Variants in CNTN5 observed in about 807,000 individuals in gnomAD.
CNTN5 encodes contactin-5.
In CNTN5, 77 loss-of-function variants were observed where a neutral mutation model predicts 129.1. That is an observed-to-expected ratio of 0.60 (90% CI 0.50 to 0.72). CNTN5 has a LOEUF of 0.72. CNTN5 is among the 30% of genes least tolerant of loss of function. The probability of loss-of-function intolerance (pLI) is 0.00; values close to 1 mark genes in which losing one functional copy is unlikely to be tolerated. For missense variants in CNTN5, 1,478 were observed against 1,328.8 expected, an observed-to-expected ratio of 1.11 and a Z score of -1.75; for synonymous variants, 509 against 465.6, an observed-to-expected ratio of 1.09 and a Z score of -1.20.
chr11:99,155,205 G>A (rs78034412), intron 1 of CNTN5, among the ~76,000 whole-genome samples: 2,384 of 152,210 alleles, frequency 0.016, 69 homozygotes, highest in African/African-American at 0.054. Context: ...TCCCCCTTCC[G>A]CCCAGCATCT....
intron 3 of CNTN5, among the ~76,000 whole-genome samples, chr11:99,711,872 A>T (rs1212865479): frequency 6.6e-6 from 1 of 152,082 alleles, no homozygotes; most frequent in Non-Finnish European, 1.5e-5. Flanking sequence ...TTCTGTATCC[A>T]GTCTATCATT....
At chr11:99,681,431 G>A (rs896118349) in intron 3 of CNTN5, among the ~76,000 whole-genome samples, 10 of 152,050 alleles carry the variant, frequency 6.6e-5, no homozygotes, top group Admixed American at 2.6e-4. Context: ...TTCAGCAACC[G>A]TGAACCTGAT....
At chr11:99,330,046 C>A (rs1441837539) in intron 2 of CNTN5, among the ~76,000 whole-genome samples, 1 of 148,854 alleles carries the variant, frequency 6.7e-6, no homozygotes, top group Non-Finnish European at 1.5e-5. Flanking sequence ...TTTTAACCAC[C>A]GAGTGGACTG....
At chr11:100,078,094 C>T (rs539208346) in intron 13 of CNTN5, among the ~76,000 whole-genome samples, 55 of 151,996 alleles carry the variant, frequency 3.6e-4, no homozygotes, top group South Asian at 2.1e-3. Flanking sequence ...GGTTATAGTT[C>T]GTCATTTGTC....
At chr11:99,631,562 T>C (rs1290738082) in intron 3 of CNTN5, among the ~76,000 whole-genome samples, 1 of 152,156 alleles carries the variant, frequency 6.6e-6, no homozygotes, top group Non-Finnish European at 1.5e-5. Context: ...TTTAATTCAG[T>C]TGTATTTACT....
chr11:99,146,253 G>T lies in CNTN5; in HGVS notation c.-210+124983G>T, dbSNP rs189953871. 2.0e-5 allele frequency among the ~76,000 whole-genome samples: 3 copies of T among 152,122 alleles called. No individual in the cohort carries two copies. The East Asian group carries it at 5.8e-4, about 29-fold the overall frequency. On this transcript the variant is annotated intron_variant, in intron 1 of 24. Transcript: ENST00000524871. ...AAGGAATTCTGGGAAACGCAAAAGTGGGTAATATTAAAATTGTATAAAGGA... is the reference window on the plus strand; with the variant it reads ...AAGGAATTCTGGGAAACGCAAAAGTTGGTAATATTAAAATTGTATAAAGGA...
At chr11:99,324,195 T>G (rs1007644096) in intron 1 of CNTN5, among the ~76,000 whole-genome samples, 2 of 152,180 alleles carry the variant, frequency 1.3e-5, no homozygotes, top group Admixed American at 1.3e-4. Context: ...TACAAGCAAC[T>G]GAAATACTTT....
intron 2 of CNTN5, among the ~76,000 whole-genome samples, chr11:99,483,576 C>A (rs1297208023): frequency 6.6e-6 from 1 of 152,072 alleles, no homozygotes; most frequent in African/African-American, 2.4e-5. Flanking sequence ...CTATTAGGAG[C>A]CTCCCTGGTG....
At chr11:99,499,290 G>A (rs1309233370) in intron 2 of CNTN5, among the ~76,000 whole-genome samples, 1 of 152,072 alleles carries the variant, frequency 6.6e-6, no homozygotes, top group Non-Finnish European at 1.5e-5. Context: ...AAATTCAAAT[G>A]TTCCCAGTGT....
intron 2 of CNTN5, among the ~76,000 whole-genome samples, chr11:99,396,444 G>A (rs1189374373): frequency 6.6e-6 from 1 of 151,360 alleles, no homozygotes; most frequent in Non-Finnish European, 1.5e-5. Flanking sequence ...TTATAGTTGT[G>A]GTTGTGTAAA....
At chr11:99,922,045 G>A (rs1403395299) in intron 7 of CNTN5, among the ~76,000 whole-genome samples, 1 of 152,064 alleles carries the variant, frequency 6.6e-6, no homozygotes, top group African/African-American at 2.4e-5. Flanking sequence ...TTTTCGTATT[G>A]CTGTGAAGAA....
chr11:99,644,993 G>A (rs780127155), intron 3 of CNTN5, among the ~76,000 whole-genome samples: 30 of 151,786 alleles, frequency 2.0e-4, no homozygotes, highest in Non-Finnish European at 7.4e-5. Flanking sequence ...GAGGTCAGGC[G>A]TGGTGGCTTA....
chr11:99,082,268 C>G lies in CNTN5; in HGVS notation c.-210+60998C>G, dbSNP rs972473833. Among the ~76,000 whole-genome samples, 3 of 151,046 alleles carry G rather than the reference C, an allele frequency of 2.0e-5. 1 individual carries two copies. The Admixed American group carries it at 2.0e-4, about 10-fold the overall frequency. ...TGGCGTGATGTCTGCTCACTACAAC[C>G]TCCGCCTCCTGGGTTCAAGCTATTC... is the stretch of plus-strand genomic sequence containing the variant. On this transcript the variant is annotated intron_variant, in intron 1 of 24. Coordinates refer to ENST00000524871, the MANE Select transcript of CNTN5 (RefSeq NM_014361.4).
chr11:99,484,193 A>C (rs1565221411), intron 2 of CNTN5, among the ~76,000 whole-genome samples: 1 of 152,156 alleles, frequency 6.6e-6, no homozygotes, highest in African/African-American at 2.4e-5. Context: ...AAAAACAAAA[A>C]AACACAATAC....
At chr11:99,945,293 A>G (rs948698318) in intron 7 of CNTN5, among the ~76,000 whole-genome samples, 15 of 152,112 alleles carry the variant, frequency 9.9e-5, no homozygotes, top group African/African-American at 3.6e-4. Context: ...TTAGTTCTGC[A>G]TAATGGATAA....
chr11:99,397,952 C>A (rs543221636), intron 2 of CNTN5, among the ~76,000 whole-genome samples: 1 of 151,882 alleles, frequency 6.6e-6, no homozygotes, highest in Non-Finnish European at 1.5e-5. Flanking sequence ...ATATACACGC[C>A]TACAAATATT....
At chr11:100,065,406 A>G (rs1943659573) in intron 10 of CNTN5, among the ~76,000 whole-genome samples, 1 of 152,104 alleles carries the variant, frequency 6.6e-6, no homozygotes, top group Admixed American at 6.6e-5. Flanking sequence ...AATGTCCACT[A>G]TGAAAAATAG....
chr11:99,904,359 T>A (rs953673889), intron 6 of CNTN5, among the ~76,000 whole-genome samples: 1 of 152,106 alleles, frequency 6.6e-6, no homozygotes, highest in Non-Finnish European at 1.5e-5. Context: ...TTCTCATTGT[T>A]CAACTTCCAC....
chr11:99,163,151 A>G (rs1266103362), intron 1 of CNTN5, among the ~76,000 whole-genome samples: 2 of 152,182 alleles, frequency 1.3e-5, no homozygotes, highest in African/African-American at 4.8e-5. Flanking sequence ...GTAATTGGAA[A>G]TTCATAAATA....
Sources: gnomAD v4.1 joint callset for allele counts (sites outside exome capture counted in the v4.1 genomes callset) on GRCh38, gnomAD v4.1.1 for gene constraint, MANE v1.5 for transcripts, NCBI Gene and HGNC (gene_info 2026-07-23, HGNC 2026-07-21) for gene names.